The following ADAMTS17 variants were observed in gnomAD, a reference collection of about 807,000 sequenced individuals.
ADAMTS17 encodes the protein ADAM metallopeptidase with thrombospondin type 1 motif 17.
Under a neutral mutation model 141.5 loss-of-function variants are expected in ADAMTS17, and 113 were observed. The observed-to-expected ratio is 0.80, with a 90% CI of 0.69 to 0.93. ADAMTS17 has a LOEUF of 0.93. Among genes scored for constraint, ADAMTS17 ranks in the 40% least tolerant of loss-of-function variants. The pLI is 0.00. For missense variants in ADAMTS17, 1,659 were observed against 1,517.9 expected (o/e 1.09, Z -1.54); for synonymous variants, 768 against 630.6 (o/e 1.22, Z -3.27).
intron 8 of ADAMTS17, among the ~76,000 whole-genome samples, chr15:100,190,894 G>A (rs143726224): frequency 6.6e-6 from 1 of 152,204 alleles, no homozygotes; most frequent in African/African-American, 2.4e-5. Context: ...TTCACGTGTG[G>A]AAAGAGCACT....
At chr15:100,235,885 G>A (rs1288492208) in intron 7 of ADAMTS17, among the ~76,000 whole-genome samples, 1 of 152,166 alleles carries the variant, frequency 6.6e-6, no homozygotes, top group Non-Finnish European at 1.5e-5. Context: ...TGCCCAGGCT[G>A]TACTCAAGGT....
At chr15:100,318,839 T>G (rs1291332186) in intron 3 of ADAMTS17, among the ~76,000 whole-genome samples, 1 of 152,174 alleles carries the variant, frequency 6.6e-6, no homozygotes, top group East Asian at 1.9e-4. Flanking sequence ...AACACGGAGA[T>G]GGGGGAATCT....
chr15:100,243,221 A>G (rs1242446143), intron 7 of ADAMTS17, among the ~76,000 whole-genome samples: 1 of 151,672 alleles, frequency 6.6e-6, no homozygotes, highest in Non-Finnish European at 1.5e-5. Context: ...TTGTTTATCC[A>G]CTCACCCCTC....
intron 18 of ADAMTS17, among the ~76,000 whole-genome samples, chr15:100,014,718 G>A (rs984799677): frequency 6.6e-6 from 1 of 152,162 alleles, no homozygotes; most frequent in African/African-American, 2.4e-5. Context: ...ACTGTGGTCT[G>A]AGAGAGTGCC....
chr15:100,097,277 C>G (rs1049509045), intron 14 of ADAMTS17, among the ~76,000 whole-genome samples: 1 of 152,150 alleles, frequency 6.6e-6, no homozygotes, highest in African/African-American at 2.4e-5. Flanking sequence ...CCACATTTTC[C>G]CCCTATAAAG....
chr15:100,033,682 T>C (rs757479879), intron 18 of ADAMTS17, among the ~76,000 whole-genome samples: 1 of 152,240 alleles, frequency 6.6e-6, no homozygotes, highest in Non-Finnish European at 1.5e-5. Flanking sequence ...TGCAGGAACC[T>C]GGGTTCTGAG....
At chr15:100,189,954 C>G (rs1192727004) in intron 8 of ADAMTS17, among the ~76,000 whole-genome samples, 1 of 152,182 alleles carries the variant, frequency 6.6e-6, no homozygotes, top group Non-Finnish European at 1.5e-5. Flanking sequence ...GCCTTGGAAA[C>G]CCTAAGACTC....
chr15:100,243,201 G>C (rs1408315834), intron 7 of ADAMTS17, among the ~76,000 whole-genome samples: 1 of 152,156 alleles, frequency 6.6e-6, no homozygotes, highest in Non-Finnish European at 1.5e-5. Context: ...TGTGTGGATA[G>C]ACCACATTTT....
At chr15:100,238,233 C>A (rs951444845) in intron 7 of ADAMTS17, among the ~76,000 whole-genome samples, 1 of 152,214 alleles carries the variant, frequency 6.6e-6, no homozygotes, top group Admixed American at 6.5e-5. Flanking sequence ...TTTGGCCACT[C>A]CAGGTAAAAT....
At chr15:100,218,989 G>A (rs1454511101) in intron 7 of ADAMTS17, among the ~76,000 whole-genome samples, 1 of 152,206 alleles carries the variant, frequency 6.6e-6, no homozygotes, top group Non-Finnish European at 1.5e-5. Context: ...TTTAACAAAA[G>A]GAGTGAAGTT....
chr15:100,079,333 T>C (rs2034581703), intron 15 of ADAMTS17, among the ~76,000 whole-genome samples: 1 of 152,220 alleles, frequency 6.6e-6, no homozygotes, highest in South Asian at 2.1e-4. Context: ...ATTTATACAA[T>C]GTGATATCTC....
intron 7 of ADAMTS17, among the ~76,000 whole-genome samples, chr15:100,253,833 A>G (rs2043238127): frequency 6.6e-6 from 1 of 152,056 alleles, no homozygotes; most frequent in Non-Finnish European, 1.5e-5. Context: ...GGGTGACCAA[A>G]ATGCTCAGAG....
intron 7 of ADAMTS17, among the ~76,000 whole-genome samples, chr15:100,244,809 G>A (rs944942204): frequency 7.2e-5 from 11 of 152,058 alleles, no homozygotes; most frequent in Admixed American, 2.0e-4. Flanking sequence ...CTCCTGCACC[G>A]CCGAGTGCAG....
intron 18 of ADAMTS17, among the ~76,000 whole-genome samples, chr15:100,032,736 A>T (rs1003282985): frequency 2.0e-5 from 3 of 152,204 alleles, no homozygotes; most frequent in African/African-American, 7.2e-5. Context: ...AAAGGAGGAA[A>T]ACATTGTTTT....
At chr15:100,191,105 G>A (rs1302442062) in intron 8 of ADAMTS17, among the ~76,000 whole-genome samples, 1 of 152,228 alleles carries the variant, frequency 6.6e-6, no homozygotes, top group Non-Finnish European at 1.5e-5. Context: ...AGTTCTGAGG[G>A]GATTTCAGAA....
intron 15 of ADAMTS17, among the ~76,000 whole-genome samples, chr15:100,072,988 A>C (rs1029425677): frequency 2.0e-5 from 3 of 152,350 alleles, no homozygotes; most frequent in Non-Finnish European, 4.4e-5. Context: ...CAACCTGCAG[A>C]ATGGGAGAAA....
intron 3 of ADAMTS17, among the ~76,000 whole-genome samples, chr15:100,297,077 C>T (rs1169510701): frequency 1.3e-5 from 2 of 152,026 alleles, no homozygotes; most frequent in Non-Finnish European, 2.9e-5. Context: ...GGCAGTGATG[C>T]AAGGGCCAAG....
intron 7 of ADAMTS17, among the ~76,000 whole-genome samples, chr15:100,207,887 A>C (rs574360157): frequency 2.6e-5 from 4 of 152,308 alleles, no homozygotes; most frequent in Non-Finnish European, 4.4e-5. Flanking sequence ...TATTTGCAGG[A>C]GACTCCCTGG....
intron 7 of ADAMTS17, among the ~76,000 whole-genome samples, chr15:100,202,989 A>C (rs1046215521): frequency 6.6e-6 from 1 of 152,242 alleles, no homozygotes. Flanking sequence ...AAAAATTTTT[A>C]AAAACATCAA....
Sources: allele counts gnomAD v4.1 joint callset (sites outside exome capture counted in the v4.1 genomes callset), GRCh38; gene constraint gnomAD v4.1.1; transcripts MANE v1.5; gene names NCBI Gene and HGNC (gene_info 2026-07-23, HGNC 2026-07-21).